PLGLB2: variants seen among roughly 807,000 people sequenced by gnomAD.
PLGLB2 encodes plasminogen like B2.
chr2:87,753,100 T>G, intron 2 of PLGLB2, among the ~76,000 whole-genome samples: 2 of 133,874 alleles, frequency 1.5e-5, no homozygotes, highest in Middle Eastern at 3.7e-3. Flanking sequence ...GGGATGGAGA[T>G]GGGAGGGGTC....
At chr2:87,750,399 CTCT>C (rs1455603376) in intron 1 of PLGLB2, among the ~76,000 whole-genome samples, 1 of 151,760 alleles carries the variant, frequency 6.6e-6, no homozygotes, top group Non-Finnish European at 1.5e-5. Context: ...CAAAACACAA[CTCT>C]TCTTGGAAAT....
At position 87,750,182 on chromosome 2, in the gene PLGLB2, G is replaced by A. The variant is rs1684623343; in HGVS notation, c.49+1980G>A. On this transcript the variant is annotated intron_variant, in intron 1 of 3. Coordinates refer to ENST00000359481, the MANE Select transcript of PLGLB2 (RefSeq NM_002665.4). ...GAGCTGGGGAGGGGATCTCAGCAGC[G>A]ATGCGCTATGAAGTATAATAACATG... Among the ~76,000 whole-genome samples, 10 of 152,390 alleles carry A rather than the reference G, an allele frequency of 6.6e-5. No individual in the cohort carries two copies. In the South Asian group the frequency reaches 1.9e-3, roughly 28 times the overall value.
intron 1 of PLGLB2, among the ~76,000 whole-genome samples, chr2:87,749,035 A>T (rs1393551502): frequency 3.6e-5 from 5 of 138,562 alleles, no homozygotes; most frequent in Admixed American, 7.1e-5. Flanking sequence ...GTTTCCCAGA[A>T]GGAATCTAGG....
At chr2:87,749,261 CA>C (rs1428598202) in intron 1 of PLGLB2, among the ~76,000 whole-genome samples, 1 of 128,904 alleles carries the variant, frequency 7.8e-6, no homozygotes, top group Non-Finnish European at 1.7e-5. Flanking sequence ...TTCATACCCC[CA>C]AAAACGCACT....
intron 1 of PLGLB2, chr2:87,751,451 A>T (rs565399232): frequency 6.6e-6 from 1 of 150,754 alleles, no homozygotes; most frequent in Non-Finnish European, 1.5e-5. Flanking sequence ...AGTTGGCAAC[A>T]TAATTTAGTT....
chr2:87,750,547 T>G (rs1684629521), intron 1 of PLGLB2, among the ~76,000 whole-genome samples: 1 of 151,850 alleles, frequency 6.6e-6, no homozygotes, highest in Admixed American at 6.6e-5. Flanking sequence ...AGCCAACTCC[T>G]GCTCAATAAT....
intron 1 of PLGLB2, among the ~76,000 whole-genome samples, chr2:87,750,372 C>T (rs201477292): frequency 0.17 from 20,972 of 121,102 alleles, 14 homozygotes; most frequent in East Asian, 0.29. Context: ...AGTCACACTG[C>T]GAGCTATAGA....
At chr2:87,754,654 G>A in intron 3 of PLGLB2, among the ~76,000 whole-genome samples, 1 of 139,952 alleles carries the variant, frequency 7.1e-6, no homozygotes, top group Non-Finnish European at 1.6e-5. Context: ...AAGTACAGAT[G>A]AAATCTAAAC....
intron 1 of PLGLB2, chr2:87,751,481 CCAT>C (rs1384059995): frequency 6.6e-6 from 1 of 151,236 alleles, no homozygotes; most frequent in Non-Finnish European, 1.5e-5. Context: ...TTTATTTCCA[CCAT>C]CATCTATGCA....
chr2:87,748,884 C>G (rs549163459), intron 1 of PLGLB2, among the ~76,000 whole-genome samples: 1 of 118,974 alleles, frequency 8.4e-6, no homozygotes, highest in South Asian at 3.1e-4. Context: ...CAAATACTAG[C>G]TTATTTAGCT....
chr2:87,751,521 A>T (rs1261802126), intron 1 of PLGLB2: 2 of 151,194 alleles, frequency 1.3e-5, no homozygotes, highest in Non-Finnish European at 3.0e-5. Context: ...TCAAGGAGGG[A>T]CCATTCAGAG....
chr2:87,755,996 C>CA (rs1684712003), intron 3 of PLGLB2: 1 of 3,422 alleles, frequency 2.9e-4, no homozygotes, highest in Admixed American at 2.2e-3. Context: ...AAAAACCAAA[C>CA]AAAAAAGAGC....
chr2:87,754,350 TTCCTC>T (rs1368000750), intron 3 of PLGLB2, among the ~76,000 whole-genome samples: 49 of 10,056 alleles, frequency 4.9e-3, no homozygotes, highest in African/African-American at 0.012. Flanking sequence ...TAAAAACTGT[TTCCTC>T]TACTGTGTTG....
intron 3 of PLGLB2, 100 bp from the exon 4 acceptor site, chr2:87,756,720 G>T (rs1474090468): frequency 3.6e-6 from 2 of 560,716 alleles, no homozygotes; most frequent in African/African-American, 3.8e-5. Flanking sequence ...GAAACAGGGG[G>T]TCTGGTGCAT....
intron 3 of PLGLB2, chr2:87,756,544 T>C (rs1269169846): frequency 5.4e-5 from 18 of 333,768 alleles, no homozygotes; most frequent in African/African-American, 3.6e-4. Context: ...AGCTCTATGA[T>C]GGCCAAGCCT....
At position 87,756,371 on chromosome 2, in the gene PLGLB2, G is replaced by A. The variant is rs867432780; in HGVS notation, c.*2-449G>A. 545 of 142,994 alleles carry A rather than the reference G, an allele frequency of 3.8e-3. 4 individuals are homozygous for A. The highest frequency in any genetic ancestry group is 0.012 in the African/African-American group (447 of 38,834). 8.9% of individuals were successfully genotyped at this position (142,994 alleles called of 1,614,324 possible). On this transcript the variant is annotated intron_variant, in intron 3 of 3. Coordinates refer to ENST00000359481, the MANE Select transcript of PLGLB2 (RefSeq NM_002665.4). ...GTGGGTTGGATCTCTTTCAGCCTCG[G>A]AAAAGCCTGCCATTCCCCCATCTAA... is the stretch of plus-strand genomic sequence containing the variant.
chr2:87,750,553 A>G (rs1684629669), intron 1 of PLGLB2, among the ~76,000 whole-genome samples: 1 of 151,794 alleles, frequency 6.6e-6, no homozygotes, highest in African/African-American at 2.4e-5. Context: ...CTCCTGCTCA[A>G]TAATCCATTT....
rs1421097133 is a variant in PLGLB2 at position 87,750,173 on chromosome 2, C to A, written c.49+1971C>A. 2.6e-5 allele frequency among the ~76,000 whole-genome samples: 4 copies of A among 152,276 alleles called. No individual in the cohort carries two copies. In the South Asian group the frequency reaches 8.3e-4, roughly 31 times the overall value. ...TAGGGACAGGAGCTGGGGAGGGGAT[C>A]TCAGCAGCGATGCGCTATGAAGTAT... On this transcript the variant is annotated intron_variant, in intron 1 of 3. Transcript: ENST00000359481.
chr2:87,756,565 T>C (rs1684728965), intron 3 of PLGLB2: 1 of 353,848 alleles, frequency 2.8e-6, no homozygotes. Flanking sequence ...CTGGCTGCAC[T>C]GTGCCCCGTG....
Sources: allele counts gnomAD v4.1 joint callset (sites outside exome capture counted in the v4.1 genomes callset), GRCh38; gene constraint gnomAD v4.1.1; transcripts MANE v1.5; gene names NCBI Gene and HGNC (gene_info 2026-07-23, HGNC 2026-07-21).